Variants in PIKFYVE observed in about 807,000 individuals in gnomAD.
The protein encoded by PIKFYVE is phosphoinositide kinase, FYVE-type zinc finger containing.
PIKFYVE carries 122 observed loss-of-function variants against 257.9 expected under a neutral mutation model. The observed-to-expected ratio is 0.47, with a 90% confidence interval of 0.41 to 0.55. PIKFYVE has a LOEUF of 0.55. PIKFYVE is among the 20% of genes least tolerant of loss of function. The probability of loss-of-function intolerance (pLI) is 0.00; values close to 1 mark genes in which losing one functional copy is unlikely to be tolerated. For missense variants in PIKFYVE, 2,160 were observed against 2,536.6 expected, an observed-to-expected ratio of 0.85 and a Z score of 3.19; for synonymous variants, 892 against 868.9, an observed-to-expected ratio of 1.03 and a Z score of -0.47.
At chr2:208,270,158 C>T (rs1689228833) in intron 1 of PIKFYVE, among the ~76,000 whole-genome samples, 1 of 150,966 alleles carries the variant, frequency 6.6e-6, no homozygotes, top group Non-Finnish European at 1.5e-5. Context: ...TCTCCTGCCT[C>T]AGCCTCCTGA....
intron 3 of PIKFYVE, among the ~76,000 whole-genome samples, chr2:208,274,821 A>T (rs892784270): frequency 1.3e-5 from 2 of 152,184 alleles, no homozygotes; most frequent in Non-Finnish European, 2.9e-5. Flanking sequence ...ACTCACAACA[A>T]CACTCTTTTT....
intron 5 of PIKFYVE, 60 bp from the exon 6 acceptor site, chr2:208,285,664 AAT>A: frequency 7.0e-7 from 1 of 1,422,422 alleles, no homozygotes; most frequent in Non-Finnish European, 9.9e-7. Flanking sequence ...TACGTTAAGC[AAT>A]ATGTTACTGC....
chr2:208,286,791 A>T (rs1251041828), intron 6 of PIKFYVE, among the ~76,000 whole-genome samples: 1 of 151,766 alleles, frequency 6.6e-6, no homozygotes. Flanking sequence ...AAGTGCTGAG[A>T]TTACAGGCAT....
Position 208,305,233 on chromosome 2 carries a change from C to T in PIKFYVE, c.1636+220C>T. The T allele has an allele frequency of 2.1e-6, 3 of 1,426,436 alleles. No individual in the cohort carries two copies. In the South Asian group the frequency reaches 4.3e-5, roughly 20 times the overall value. The allele number at this position is 1,426,436 out of a possible 1,614,324, so 88.4% of individuals were successfully genotyped here. A position where few individuals can be genotyped will look rare whatever the true frequency, so the allele number is the denominator to read the frequency against. On this transcript the variant is annotated intron_variant, in intron 12 of 41. Transcript: ENST00000264380. ...TTTTCTCCCTCAGCACCACCATGCC[C>T]AGTGTAAAGCTTGTAGTCTTTAAAA...
intron 3 of PIKFYVE, among the ~76,000 whole-genome samples, chr2:208,276,198 T>C (rs1312640070): frequency 1.3e-5 from 2 of 152,210 alleles, no homozygotes; most frequent in African/African-American, 4.8e-5. Flanking sequence ...CTTTGAAGGC[T>C]GGGCTATTAA....
In PIKFYVE at chr2:208,300,927, G is replaced by T. The variant is rs769292195; in HGVS notation, c.1051-10G>T. 24 of 1,613,870 alleles carry T rather than the reference G, an allele frequency of 1.5e-5. No individual in the cohort carries two copies. In the East Asian group the frequency reaches 5.1e-4, roughly 34 times the overall value. On this transcript the variant is annotated splice_polypyrimidine_tract_variant and intron_variant, in intron 8 of 41. Transcript: ENST00000264380. ...TCAAGGGTAACTACTTGCTGTTAAT[G>T]TGATTGCAGGACAGTGTGCAGTTAA...
Position 208,326,446 on chromosome 2 carries a change from T to G in PIKFYVE, c.3618+17T>G. On this transcript the variant is annotated intron_variant, in intron 20 of 41. Coordinates refer to ENST00000264380, the MANE Select transcript of PIKFYVE (RefSeq NM_015040.4). ...TCAACAAAGGTGAGCCAGACCACTT[T>G]CTGATGCTCCTGTGCATTTAGGATG... 1 of 1,610,846 alleles carries G rather than the reference T, an allele frequency of 6.2e-7. No individual in the cohort carries two copies. The highest frequency in any genetic ancestry group is 8.5e-7 in the Non-Finnish European group (1 of 1,177,202).
rs376400792 is a variant in PIKFYVE, at chr2:208,267,569, C to T, written c.-10+1154C>T. Among the ~76,000 whole-genome samples, 213 of 128,414 alleles carry T rather than the reference C, an allele frequency of 1.7e-3. 6 individuals carry two copies. The South Asian group carries it at 0.023, about 14-fold the overall frequency. The allele number at this position is 128,414 out of a possible 152,430, so 84.2% of individuals were successfully genotyped here. A position where few individuals can be genotyped will look rare whatever the true frequency, so the allele number is the denominator to read the frequency against. On this transcript the variant is annotated intron_variant, in intron 1 of 41. Coordinates refer to ENST00000264380, the MANE Select transcript of PIKFYVE (RefSeq NM_015040.4). ...TCCCCCAGGTTGGAGTGCAGTGGCG[C>T]GATCTCCTCCGACTGCAACCTCCGC...
chr2:208,337,818 T>C (rs1378232855), intron 28 of PIKFYVE, among the ~76,000 whole-genome samples: 1 of 151,906 alleles, frequency 6.6e-6, no homozygotes, highest in African/African-American at 2.4e-5. Flanking sequence ...GCCTTCCGAG[T>C]TCAAGCAATT....
At chr2:208,272,630 T>C (rs1689578327) in intron 2 of PIKFYVE, among the ~76,000 whole-genome samples, 1 of 152,182 alleles carries the variant, frequency 6.6e-6, no homozygotes. Context: ...TCTGTATTAC[T>C]TGAAGTATGT....
At position 208,295,016 on chromosome 2, in the gene PIKFYVE, A is replaced by C. The variant is rs151073249; in HGVS notation, c.912-3625A>C. On this transcript the variant is annotated intron_variant, in intron 7 of 41. Transcript: ENST00000264380. Reference sequence around the variant, plus strand: ...GAATTTGTATCTCTGGTTTGTCTACACTGAGCTTCAAGGAATTTGTCAATT... The same window carrying C: ...GAATTTGTATCTCTGGTTTGTCTACCCTGAGCTTCAAGGAATTTGTCAATT... Among the ~76,000 whole-genome samples the C allele has an allele frequency of 2.1e-3, 315 of 151,818 alleles. 2 individuals carry two copies. The highest frequency in any genetic ancestry group is 7.2e-3 in the African/African-American group (299 of 41,482).
chr2:208,283,034 G>A (rs1280255300), intron 5 of PIKFYVE, among the ~76,000 whole-genome samples: 4 of 152,152 alleles, frequency 2.6e-5, no homozygotes, highest in Non-Finnish European at 4.4e-5. Context: ...TGGCTTGTGT[G>A]CTGCTTGCTC....
At chr2:208,275,641 T>C (rs1690002989) in intron 3 of PIKFYVE, among the ~76,000 whole-genome samples, 1 of 152,232 alleles carries the variant, frequency 6.6e-6, no homozygotes, top group Non-Finnish European at 1.5e-5. Flanking sequence ...TACATTATCT[T>C]GGGAAATTCT....
Position 208,273,714 on chromosome 2 carries a change from G to T in PIKFYVE, c.303G>T (p.Gln101His). 1 of 1,614,184 alleles carries T rather than the reference G, an allele frequency of 6.2e-7. No individual in the cohort carries two copies. Among genetic ancestry groups the T allele is most frequent in the Non-Finnish European group, 8.5e-7 (1 of 1,180,028 alleles). The change falls in exon 3 of 42, where the codon CAG (glutamine) becomes CAT (histidine). Residue 101 changes from glutamine (Q) to histidine (H), a missense_variant. By Grantham distance (24) the Gln-to-His change is conservative. This residue lies in a region of PIKFYVE where 172 missense variants were observed against 180.6 expected (regional missense o/e 0.95). Transcript: ENST00000264380. ...PYKKQLNEEL[Q>H]RRSSALDTRR... is the part of the protein sequence containing the mutation. ...AAAAGCAGCTTAATGAGGAACTCCA[G>T]CGGCGCTCTTCAGCATTAGGTAAAA...
At chr2:208,288,845 C>A in intron 7 of PIKFYVE, 27 bp downstream of exon 7, 1 of 1,610,612 alleles carries the variant, frequency 6.2e-7, no homozygotes, top group East Asian at 2.2e-5. Context: ...AAACACTGTG[C>A]TCTCTGATGT....
intron 1 of PIKFYVE, chr2:208,269,769 C>T (rs1689162793): frequency 1.2e-5 from 3 of 248,076 alleles, no homozygotes; most frequent in Non-Finnish European, 1.8e-5. Context: ...CCAGCTGATC[C>T]TTGTTAAACT....
At position 208,340,041 on chromosome 2, in the gene PIKFYVE, C is replaced by T. The variant is rs1698554560; in HGVS notation, c.4841C>T (p.Thr1614Ile). 2.5e-6 allele frequency: 4 copies of T among 1,613,904 alleles called. No homozygotes were observed. In the South Asian group the frequency reaches 3.3e-5, roughly 13 times the overall value. Reference sequence around the variant, plus strand: ...TTTGATGGGCATTTGCTGGGATCCACAGACAGCCAAGTGAAGGAAAAGTCA... The same window carrying T: ...TTTGATGGGCATTTGCTGGGATCCATAGACAGCCAAGTGAAGGAAAAGTCA... Reference protein sequence around the residue: ...DVFDGHLLGSTDSQVKEKSTM... With the variant: ...DVFDGHLLGSIDSQVKEKSTM... The change falls in exon 31 of 42, where the codon ACA becomes ATA. Residue 1614 changes from threonine (T) to isoleucine (I), a missense_variant. Thr to Ile is a moderately conservative substitution (Grantham distance 89, BLOSUM62 -1). Coordinates refer to ENST00000264380, the MANE Select transcript of PIKFYVE (RefSeq NM_015040.4).
At chr2:208,276,531 A>C (rs959985027) in intron 3 of PIKFYVE, among the ~76,000 whole-genome samples, 181 bp from the exon 4 acceptor site, 1 of 152,222 alleles carries the variant, frequency 6.6e-6, no homozygotes, top group Admixed American at 6.5e-5. Context: ...ACATGAGAAG[A>C]AATACTTTCA....
chr2:208,351,263 A>T, intron 37 of PIKFYVE, 89 bp from the exon 38 acceptor site: 3 of 1,121,440 alleles, frequency 2.7e-6, no homozygotes, highest in Non-Finnish European at 4.0e-6. Flanking sequence ...TCATAAAACA[A>T]CCTAATCATT....
Sources: gnomAD v4.1 joint callset for allele counts (sites outside exome capture counted in the v4.1 genomes callset) on GRCh38, gnomAD v4.1.1 for gene constraint, gnomAD v4.1.1 regional missense constraint, MANE v1.5 for transcripts, NCBI Gene and HGNC (gene_info 2026-07-23, HGNC 2026-07-21) for gene names.